Variants in CNTNAP2 observed in about 807,000 individuals in gnomAD.
CNTNAP2 encodes contactin associated protein 2.
In CNTNAP2, 98 loss-of-function variants were observed where a neutral mutation model predicts 155.2. That is an observed-to-expected ratio of 0.63 (90% confidence interval 0.54 to 0.75). The LOEUF (loss-of-function observed/expected upper bound fraction) is 0.75. Ranked by LOEUF, CNTNAP2 falls within the 30% of genes least tolerant of loss-of-function variation. The pLI is 0.00. For synonymous variants in CNTNAP2, 651 were observed against 631.2 expected, an observed-to-expected ratio of 1.03 and a Z score of -0.47; for missense variants, 1,727 against 1,688.1, an observed-to-expected ratio of 1.02 and a Z score of -0.40.
intron 13 of CNTNAP2, among the ~76,000 whole-genome samples, chr7:147,690,827 T>C (rs1343196781): frequency 6.6e-6 from 1 of 152,184 alleles, no homozygotes; most frequent in Non-Finnish European, 1.5e-5. Context: ...ATTGTGTATT[T>C]TGATTCTCCA....
intron 10 of CNTNAP2, among the ~76,000 whole-genome samples, chr7:147,406,257 TTATTAG>T (rs1366876600): frequency 2.6e-5 from 4 of 152,160 alleles, no homozygotes; most frequent in African/African-American, 9.7e-5. Context: ...GTTATCTGGT[TTATTAG>T]TATAAGACTC....
At chr7:147,549,289 T>G (rs1301952688) in intron 11 of CNTNAP2, among the ~76,000 whole-genome samples, 2 of 152,160 alleles carry the variant, frequency 1.3e-5, no homozygotes, top group African/African-American at 4.8e-5. Context: ...AGCAATGGTT[T>G]GTAGTTCTCC....
Position 147,557,268 on chromosome 7 carries a change from G to GA in CNTNAP2, c.1778-4860dup, listed in dbSNP as rs1202278593. Reference sequence around the variant, plus strand: ...AACAGAGCCAGACTCCATCTCAAAAGAAAAAAAAAAGACATTTAGGACTTG... The same window carrying GA: ...AACAGAGCCAGACTCCATCTCAAAAGAAAAAAAAAAAGACATTTAGGACTTG... On this transcript the variant is annotated intron_variant, in intron 11 of 23. Coordinates refer to ENST00000361727, the MANE Select transcript of CNTNAP2 (RefSeq NM_014141.6). Among the ~76,000 whole-genome samples the GA allele has an allele frequency of 6.8e-3, 985 of 145,338 alleles. 7 individuals are homozygous for GA. The highest frequency in any genetic ancestry group is 0.023 in the African/African-American group (905 of 39,652).
intron 12 of CNTNAP2, among the ~76,000 whole-genome samples, chr7:147,582,551 A>T (rs975608450): frequency 1.3e-5 from 2 of 152,198 alleles, no homozygotes; most frequent in Non-Finnish European, 2.9e-5. Context: ...CTATCTACAA[A>T]ACATTCTGGA....
intron 1 of CNTNAP2, among the ~76,000 whole-genome samples, chr7:146,716,476 C>T (rs1429729246): frequency 1.3e-5 from 2 of 152,162 alleles, no homozygotes; most frequent in Non-Finnish European, 2.9e-5. Context: ...TTCTAAAAGG[C>T]AGGTTGTGCT....
Position 146,638,476 on chromosome 7 carries a change from CT to C in CNTNAP2, c.98-135773del, listed in dbSNP as rs879600389. Among the ~76,000 whole-genome samples, 354 of 64,358 alleles carry C rather than the reference CT, an allele frequency of 5.5e-3. 5 individuals carry two copies. The highest frequency in any genetic ancestry group is 0.032 in the Middle Eastern group (3 of 94). 42.2% of individuals were successfully genotyped at this position (64,358 alleles called of 152,430 possible). A position where few individuals can be genotyped will look rare whatever the true frequency, so the allele number is the denominator to read the frequency against. On this transcript the variant is annotated intron_variant, in intron 1 of 23. Transcript: ENST00000361727. ...AACAGTTTAATACAGTCAGGTGTTT[CT>C]TTTTTTTTTTTTTTTTTTTTTCTTT...
At chr7:147,372,379 T>G (rs1457660565) in intron 9 of CNTNAP2, among the ~76,000 whole-genome samples, 5 of 152,124 alleles carry the variant, frequency 3.3e-5, no homozygotes, top group Admixed American at 2.0e-4. Context: ...TGGGCATATT[T>G]TAATGTCCTT....
chr7:148,181,276 G>T (rs960581990), intron 18 of CNTNAP2, among the ~76,000 whole-genome samples: 3 of 152,128 alleles, frequency 2.0e-5, no homozygotes, highest in Non-Finnish European at 4.4e-5. Flanking sequence ...TATCTATATA[G>T]TCTGTTGATT....
intron 1 of CNTNAP2, among the ~76,000 whole-genome samples, chr7:146,162,181 G>T (rs1476541388): frequency 2.0e-5 from 3 of 152,150 alleles, no homozygotes; most frequent in African/African-American, 7.2e-5. Flanking sequence ...TTAAACTAAA[G>T]AGCTTCTGCA....
intron 3 of CNTNAP2, among the ~76,000 whole-genome samples, chr7:147,015,254 A>G (rs1408919382): frequency 1.3e-5 from 2 of 152,150 alleles, no homozygotes; most frequent in African/African-American, 4.8e-5. Context: ...ACACTGCCCC[A>G]ATTTCTGGAT....
At position 146,822,516 on chromosome 7, in the gene CNTNAP2, A is replaced by G. The variant is rs184950162; in HGVS notation, c.209-17195A>G. Among the ~76,000 whole-genome samples the G allele has an allele frequency of 1.9e-3, 292 of 151,022 alleles. 1 individual carries two copies. Among genetic ancestry groups the G allele is most frequent in the African/African-American group, 5.7e-3 (236 of 41,348 alleles). On this transcript the variant is annotated intron_variant, in intron 2 of 23. Coordinates refer to ENST00000361727, the MANE Select transcript of CNTNAP2 (RefSeq NM_014141.6). ...AAAAAAAAACTCAGACATTTGTCCC[A>G]CCTTCCCCTGTTTTTAATAATGCTC...
intron 1 of CNTNAP2, among the ~76,000 whole-genome samples, chr7:146,486,225 C>T (rs942635838): frequency 9.9e-5 from 15 of 151,844 alleles, no homozygotes; most frequent in Admixed American, 3.3e-4. Context: ...CCACCGCGCC[C>T]GGCTAATTTT....
intron 1 of CNTNAP2, among the ~76,000 whole-genome samples, chr7:146,622,956 C>CA (rs1285951271): frequency 0.02 from 1,660 of 82,894 alleles, 24 homozygotes; most frequent in Middle Eastern, 0.045. Flanking sequence ...GACTCCATCT[C>CA]AAAAAAAAAA....
At chr7:148,265,616 A>T (rs1796654668) in intron 20 of CNTNAP2, among the ~76,000 whole-genome samples, 1 of 152,226 alleles carries the variant, frequency 6.6e-6, no homozygotes, top group Non-Finnish European at 1.5e-5. Context: ...AAAACTTTTC[A>T]AAATGATAGC....
intron 2 of CNTNAP2, among the ~76,000 whole-genome samples, chr7:146,830,303 A>G (rs1803485644): frequency 6.6e-6 from 1 of 151,966 alleles, no homozygotes; most frequent in African/African-American, 2.4e-5. Context: ...AGAACAATTT[A>G]TTGTGGGGGA....
intron 13 of CNTNAP2, among the ~76,000 whole-genome samples, chr7:147,823,493 A>G (rs1798394211): frequency 6.6e-6 from 1 of 152,174 alleles, no homozygotes; most frequent in South Asian, 2.1e-4. Flanking sequence ...GTTAAGACAT[A>G]TCACTACCTT....
At position 148,038,866 on chromosome 7, in the gene CNTNAP2, GGATGGATA is replaced by G. The variant is rs1456387038; in HGVS notation, c.2383+60881_2383+60888del. Among the ~76,000 whole-genome samples, 488 of 146,090 alleles carry G rather than the reference GGATGGATA, an allele frequency of 3.3e-3. 4 individuals carry two copies. The highest frequency in any genetic ancestry group is 0.012 in the African/African-American group (438 of 36,058). Reference sequence around the variant, plus strand: ...TGGATGGATGGATGGATGGATGGATGGATGGATAGATAGATAAGGAATTTATTAGGGGA... The same window carrying G: ...TGGATGGATGGATGGATGGATGGATGGATAGATAAGGAATTTATTAGGGGA... On this transcript the variant is annotated intron_variant, in intron 15 of 23. Transcript: ENST00000361727.
At chr7:146,172,529 T>C (rs1798410254) in intron 1 of CNTNAP2, among the ~76,000 whole-genome samples, 1 of 152,134 alleles carries the variant, frequency 6.6e-6, no homozygotes, top group African/African-American at 2.4e-5. Context: ...CTGATTTTTC[T>C]CTCCTCTTTC....
chr7:146,166,803 AAACAGAAGGTTTAGAAGAT>A (rs1365497427), intron 1 of CNTNAP2, among the ~76,000 whole-genome samples: 1 of 152,220 alleles, frequency 6.6e-6, no homozygotes, highest in African/African-American at 2.4e-5. Context: ...GTAGAAGAAG[AAACAGAAGGTTTAGAAGAT>A]AGCGGGAAAT....
Sources: gnomAD v4.1 joint callset for allele counts (sites outside exome capture counted in the v4.1 genomes callset) on GRCh38, gnomAD v4.1.1 for gene constraint, MANE v1.5 for transcripts, NCBI Gene and HGNC (gene_info 2026-07-23, HGNC 2026-07-21) for gene names.